CRCP: variants seen among roughly 807,000 people sequenced by gnomAD.
CRCP encodes CGRP receptor component.
Under a neutral mutation model 18.5 loss-of-function variants are expected in CRCP, and 18 were observed. The ratio of observed to expected loss-of-function variants is 0.97; its 90% CI spans 0.67 to 1.44. CRCP has a LOEUF of 1.44. Ranked by LOEUF, CRCP falls within the 40% of genes most tolerant of loss-of-function variation. CRCP has a pLI of 0.00. For synonymous variants in CRCP, 53 were observed against 62.9 expected, an observed-to-expected ratio of 0.84 and a Z score of 0.75; for missense variants, 130 against 176.4, an observed-to-expected ratio of 0.74 and a Z score of 1.49.
chr7:66,121,293 C>T (rs556020166), intron 1 of CRCP, among the ~76,000 whole-genome samples: 15 of 152,154 alleles, frequency 9.9e-5, no homozygotes, highest in Non-Finnish European at 1.8e-4. Flanking sequence ...TCAGGTGATT[C>T]TACCGCCTCG....
intron 5 of CRCP, among the ~76,000 whole-genome samples, chr7:66,149,846 A>G (rs1028551027): frequency 2.0e-5 from 3 of 151,930 alleles, no homozygotes; most frequent in Non-Finnish European, 4.4e-5. Flanking sequence ...TTACTCTGTC[A>G]CCCAGGCTGG....
intron 5 of CRCP, 77 bp from the exon 6 acceptor site, chr7:66,152,131 C>G (rs886514364): frequency 1.7e-5 from 26 of 1,553,570 alleles, no homozygotes; most frequent in Non-Finnish European, 2.0e-5. Flanking sequence ...GGGCTGAGAC[C>G]ATGAGCACAG....
chr7:66,143,525 G>A (rs543880409), intron 4 of CRCP, among the ~76,000 whole-genome samples: 3 of 152,220 alleles, frequency 2.0e-5, no homozygotes, highest in Admixed American at 2.0e-4. Context: ...GTGTTGAAAA[G>A]CCATCAGGAT....
chr7:66,133,315 C>A (rs1038939316), intron 3 of CRCP, among the ~76,000 whole-genome samples: 1 of 152,046 alleles, frequency 6.6e-6, no homozygotes, highest in Non-Finnish European at 1.5e-5. Context: ...ACCATCCTGG[C>A]TAACACGGTG....
At chr7:66,121,521 G>A (rs1466307673) in intron 1 of CRCP, among the ~76,000 whole-genome samples, 1 of 150,882 alleles carries the variant, frequency 6.6e-6, no homozygotes, top group Non-Finnish European at 1.5e-5. Context: ...GTGCAGTGGT[G>A]CAATCTCAGC....
At chr7:66,120,487 CAT>C (rs1235596334) in intron 1 of CRCP, 1 of 151,842 alleles carries the variant, frequency 6.6e-6, no homozygotes, top group Non-Finnish European at 1.5e-5. Flanking sequence ...CTGAGATAGA[CAT>C]GTGATTTGGG....
rs1223890806 is a variant in CRCP at position 66,151,673 on chromosome 7, CTGTGTGTGTGTGTGTGTGTG to C, written c.298-510_298-491del. ...TATGCAACCTGTTCACCACTTCTCT[CTGTGTGTGTGTGTGTGTGTG>C]TGTGTGTGTGTGTGTGTGTGTGTGG... On this transcript the variant is annotated intron_variant, in intron 5 of 5. Transcript: ENST00000395326. Among the ~76,000 whole-genome samples the C allele has an allele frequency of 3.6e-4, 50 of 138,520 alleles. 1 individual carries two copies. Among genetic ancestry groups the C allele is most frequent in the African/African-American group, 1.2e-3 (44 of 37,110 alleles). The allele number at this position is 138,520 out of a possible 152,430, so 90.9% of individuals were successfully genotyped here.
chr7:66,151,228 TGGCACATAGTG>T (rs574964206), intron 5 of CRCP, among the ~76,000 whole-genome samples: 22 of 152,304 alleles, frequency 1.4e-4, no homozygotes, highest in African/African-American at 5.1e-4. Flanking sequence ...CCAAACCATT[TGGCACATAGTG>T]GGCATCATCA....
chr7:66,130,933 C>G, intron 3 of CRCP, 91 bp downstream of exon 3: 2 of 761,108 alleles, frequency 2.6e-6, no homozygotes, highest in Non-Finnish European at 4.6e-6. Flanking sequence ...ATTAAGATTG[C>G]TTTTTATATG....
At chr7:66,151,432 G>A (rs116984296) in intron 5 of CRCP, among the ~76,000 whole-genome samples, 2,431 of 152,152 alleles carry the variant, frequency 0.016, 60 homozygotes, top group East Asian at 0.092. Context: ...AACTGTCTGT[G>A]GTGGCTCGTG....
intron 2 of CRCP, among the ~76,000 whole-genome samples, chr7:66,128,287 G>T (rs1053703706): frequency 6.6e-6 from 1 of 152,026 alleles, no homozygotes; most frequent in African/African-American, 2.4e-5. Context: ...ATTTTAGAGG[G>T]GGCAACCTTC....
chr7:66,135,275 A>G (rs180787651), intron 4 of CRCP, among the ~76,000 whole-genome samples: 94 of 152,334 alleles, frequency 6.2e-4, no homozygotes, highest in African/African-American at 2.3e-3. Context: ...ATTTAGAAAC[A>G]CAAGTGAGTA....
rs1423153091 is a variant in CRCP at position 66,145,280 on chromosome 7, C to G, written c.240-163C>G. On this transcript the variant is annotated intron_variant, in intron 4 of 5. Transcript: ENST00000395326. ...CCGTGGGCTGGGAGTCACTCACATA[C>G]ACGCTCCTGTTCCCATTCTCTCGAT... Among the ~76,000 whole-genome samples the G allele has an allele frequency of 2.0e-5, 3 of 152,228 alleles. No homozygotes were observed. The East Asian group carries it at 5.8e-4, about 29-fold the overall frequency.
intron 2 of CRCP, 34 bp downstream of exon 2, chr7:66,127,774 G>C: frequency 6.2e-7 from 1 of 1,611,054 alleles, no homozygotes; most frequent in South Asian, 1.1e-5. Context: ...CTCTCTGATA[G>C]TTTGCCCTTC....
intron 1 of CRCP, among the ~76,000 whole-genome samples, chr7:66,115,267 G>A (rs1054859399): frequency 1.3e-5 from 2 of 152,192 alleles, no homozygotes; most frequent in African/African-American, 4.8e-5. Flanking sequence ...GCGTTTCTGG[G>A]TCACAGTGCG....
At position 66,141,595 on chromosome 7, in the gene CRCP, C is replaced by A. The variant is rs535094698; in HGVS notation, c.240-3848C>A. Among the ~76,000 whole-genome samples the A allele has an allele frequency of 9.2e-5, 14 of 152,032 alleles. 1 individual carries two copies. In the South Asian group the frequency reaches 1.0e-3, roughly 11 times the overall value. On this transcript the variant is annotated intron_variant, in intron 4 of 5. Coordinates refer to ENST00000395326, the MANE Select transcript of CRCP (RefSeq NM_014478.5). ...CAGAAGGAGATGAAGAAGGGAGAGTCGGATCAGGAAAGAATTGAAAGAGAA... is the reference window on the plus strand; with the variant it reads ...CAGAAGGAGATGAAGAAGGGAGAGTAGGATCAGGAAAGAATTGAAAGAGAA...
At chr7:66,124,044 CAAAAAAAAAAAAAAAAAAAAAAAA>C (rs57502731) in intron 1 of CRCP, among the ~76,000 whole-genome samples, 15 of 13,528 alleles carry the variant, frequency 1.1e-3, no homozygotes, top group Middle Eastern at 0.038. Context: ...GACTCCGTCT[CAAAAAAAAAAAAAAAAAAAAAAAA>C]AAAAAAAAAA....
chr7:66,122,960 T>A (rs1013714956), intron 1 of CRCP, among the ~76,000 whole-genome samples: 3 of 149,686 alleles, frequency 2.0e-5, no homozygotes, highest in Non-Finnish European at 4.5e-5. Context: ...TCTTTCTTTT[T>A]TTTTTTTTTT....
At position 66,114,873 on chromosome 7, in the gene CRCP, G is replaced by T. The variant is rs763569257; in HGVS notation, c.-90G>T. 1 of 1,606,050 alleles carries T rather than the reference G, an allele frequency of 6.2e-7. No individual in the cohort carries two copies. ...GCGAGCACCTTGGCGCGCGGAGCTG[G>T]CACCTTGGCGCTGTTGGTGGCGGCG... On this transcript the variant is annotated 5_prime_UTR_variant, in exon 1 of 6. Transcript: ENST00000395326.
Sources: allele counts gnomAD v4.1 joint callset (sites outside exome capture counted in the v4.1 genomes callset), GRCh38; gene constraint gnomAD v4.1.1; transcripts MANE v1.5; gene names NCBI Gene and HGNC (gene_info 2026-07-23, HGNC 2026-07-21).